The following DCAF13 variants were observed in gnomAD, a reference collection of about 807,000 sequenced individuals.
DCAF13 encodes the protein DDB1- and CUL4-associated factor 13.
DCAF13 carries 38 observed loss-of-function variants against 59.0 expected under a neutral mutation model. The ratio of observed to expected loss-of-function variants is 0.64; its 90% confidence interval spans 0.50 to 0.84. The LOEUF (loss-of-function observed/expected upper bound fraction) is 0.84. Ranked by LOEUF, DCAF13 falls within the 40% of genes least tolerant of loss-of-function variation. DCAF13 has a pLI of 0.00. For missense variants in DCAF13, 469 were observed against 558.4 expected (o/e 0.84, Z 1.61); for synonymous variants, 173 against 175.0 (o/e 0.99, Z 0.09).
chr8:103,440,282 T>G lies in DCAF13; in HGVS notation c.1086+11T>G. 6.4e-7 allele frequency: 1 copy of G among 1,554,614 alleles called. No individual in the cohort carries two copies. Among genetic ancestry groups the G allele is most frequent in the Non-Finnish European group, 8.6e-7 (1 of 1,156,216 alleles). On this transcript the variant is annotated intron_variant, in intron 9 of 10. Coordinates refer to ENST00000612750, the MANE Select transcript of DCAF13 (RefSeq NM_015420.7). ...GAAAAATTGGGTGTGGTAAGAGAAT[T>G]CATTTTCTTTCATTGTCATAAAGCT...
intron 1 of DCAF13, among the ~76,000 whole-genome samples, 195 bp from the exon 2 acceptor site, chr8:103,420,069 G>A (rs1041976834): frequency 2.0e-5 from 3 of 151,130 alleles, no homozygotes; most frequent in Admixed American, 2.0e-4. Flanking sequence ...TGTTTTGCAA[G>A]ATGTATGCAT....
At chr8:103,428,117 A>C (rs1247660311) in intron 5 of DCAF13, 2 of 152,216 alleles carry the variant, frequency 1.3e-5, no homozygotes, top group African/African-American at 4.8e-5. Flanking sequence ...AGTAAGGTTG[A>C]GTCAAAATAG....
rs1349543398 is a variant in DCAF13 at position 103,418,852 on chromosome 8, A to T, written c.71-1412A>T. On this transcript the variant is annotated intron_variant, in intron 1 of 10. Coordinates refer to ENST00000612750, the MANE Select transcript of DCAF13 (RefSeq NM_015420.7). Reference sequence around the variant, plus strand: ...TATATATATATATATATATATATATATATATATATATATATTTTTTTTTTT... The same window carrying T: ...TATATATATATATATATATATATATTTATATATATATATATTTTTTTTTTT... 9.3e-3 allele frequency among the ~76,000 whole-genome samples: 291 copies of T among 31,252 alleles called. 14 individuals carry two copies. Among genetic ancestry groups the T allele is most frequent in the African/African-American group, 0.04 (259 of 6,536 alleles). The allele number at this position is 31,252 out of a possible 152,430, so 20.5% of individuals were successfully genotyped here.
chr8:103,424,126 C>T (rs910695513), intron 3 of DCAF13, among the ~76,000 whole-genome samples: 1 of 152,068 alleles, frequency 6.6e-6, no homozygotes, highest in Admixed American at 6.5e-5. Flanking sequence ...TCACGCCATT[C>T]TCTTGCCTCA....
At chr8:103,426,962 A>G in intron 4 of DCAF13, 135 bp from the exon 5 acceptor site, 3 of 595,784 alleles carry the variant, frequency 5.0e-6, no homozygotes, top group Non-Finnish European at 8.2e-6. Context: ...CCCTTTAAGT[A>G]AGGACTTCAA....
intron 1 of DCAF13, among the ~76,000 whole-genome samples, chr8:103,416,231 G>T (rs999806824): frequency 6.6e-6 from 1 of 152,242 alleles, no homozygotes; most frequent in Non-Finnish European, 1.5e-5. Context: ...GAGATGAGAT[G>T]AGGCGAAAAC....
chr8:103,431,474 T>G (rs937842397), intron 6 of DCAF13, among the ~76,000 whole-genome samples: 1 of 152,190 alleles, frequency 6.6e-6, no homozygotes. Context: ...ACGTAACAAC[T>G]AGATATTAGG....
intron 3 of DCAF13, among the ~76,000 whole-genome samples, chr8:103,422,446 C>T (rs1160216689): frequency 1.3e-5 from 2 of 152,080 alleles, no homozygotes; most frequent in East Asian, 1.9e-4. Flanking sequence ...GGGGAATGCC[C>T]ACCTCTGGGA....
At chr8:103,428,718 A>AT (rs1563504385) in intron 5 of DCAF13, 1 of 151,892 alleles carries the variant, frequency 6.6e-6, no homozygotes, top group African/African-American at 2.4e-5. Context: ...TAAAAAAAAA[A>AT]CACAAAAAAA....
chr8:103,422,596 G>A lies in DCAF13; in HGVS notation c.378+1514G>A, dbSNP rs956263579. Among the ~76,000 whole-genome samples the A allele has an allele frequency of 3.3e-5, 5 of 152,304 alleles. No individual in the cohort carries two copies. In the East Asian group the frequency reaches 9.6e-4, roughly 29 times the overall value. On this transcript the variant is annotated intron_variant, in intron 3 of 10. Transcript: ENST00000612750. The stretch of plus-strand genomic sequence containing the variant: ...AGACTGAGGAAAACATTTTAGAAAT[G>A]TAGAGATGTAAAAAATAGAAAATTA...
intron 10 of DCAF13, chr8:103,442,488 A>T (rs1367169724): frequency 5.4e-6 from 1 of 186,820 alleles, no homozygotes; most frequent in Non-Finnish European, 1.1e-5. Context: ...TTCAATTAGA[A>T]TATACAAATG....
intron 3 of DCAF13, among the ~76,000 whole-genome samples, chr8:103,423,405 G>A (rs1816748878): frequency 6.6e-6 from 1 of 152,124 alleles, no homozygotes. Flanking sequence ...GTCACTTGCA[G>A]CATACATGAA....
chr8:103,432,790 T>A lies in DCAF13; in HGVS notation c.785+49T>A, dbSNP rs182300985. On this transcript the variant is annotated intron_variant, in intron 7 of 10. Transcript: ENST00000612750. ...TTGTGTATTTCTATCATGAATGGCT[T>A]AATTGTATAAGTCGTACTAATAAAA... is the stretch of plus-strand genomic sequence containing the variant. 8.3e-5 allele frequency: 94 copies of A among 1,129,358 alleles called. No homozygotes were observed. The East Asian group carries it at 2.2e-3, about 26-fold the overall frequency. 70.0% of individuals were successfully genotyped at this position (1,129,358 alleles called of 1,614,324 possible). A position where few individuals can be genotyped will look rare whatever the true frequency, so the allele number is the denominator to read the frequency against.
chr8:103,415,669 G>A (rs1422242245), intron 1 of DCAF13, among the ~76,000 whole-genome samples, 153 bp downstream of exon 1: 1 of 152,178 alleles, frequency 6.6e-6, no homozygotes, highest in Non-Finnish European at 1.5e-5. Flanking sequence ...TTACGGAGTC[G>A]CTGCGGAACT....
chr8:103,435,557 G>T, intron 7 of DCAF13, 69 bp from the exon 8 acceptor site: 1 of 1,266,278 alleles, frequency 7.9e-7, no homozygotes, highest in Non-Finnish European at 1.1e-6. Flanking sequence ...GTTTTCAGTG[G>T]TATCTTTTAG....
At chr8:103,432,565 T>G in intron 6 of DCAF13, 94 bp from the exon 7 acceptor site, 1 of 705,982 alleles carries the variant, frequency 1.4e-6, no homozygotes, top group East Asian at 2.5e-5. Context: ...CTGAGTACTT[T>G]ACACATAATA....
At position 103,420,380 on chromosome 8, in the gene DCAF13, G is replaced by T. The variant is rs543023582; in HGVS notation, c.187G>T (p.Asp63Tyr). 1 of 1,614,112 alleles carries T rather than the reference G, an allele frequency of 6.2e-7. No individual in the cohort carries two copies. The highest frequency in any genetic ancestry group is 1.3e-5 in the African/African-American group (1 of 75,026). The change falls in exon 2 of 11, where the codon GAT becomes TAT. Residue 63 changes from aspartate to tyrosine, a missense_variant. By Grantham distance (160) the Asp-to-Tyr change is radical. Coordinates refer to ENST00000612750, the MANE Select transcript of DCAF13 (RefSeq NM_015420.7). Reference protein sequence around the residue: ...VFAKPFLASLDGHRDGVNCLA... With the variant: ...VFAKPFLASLYGHRDGVNCLA... The stretch of plus-strand genomic sequence containing the variant: ...TGCAAAACCATTCCTTGCTTCGCTG[G>T]ATGGTCACCGTGATGGAGTCAATTG...
At chr8:103,433,459 A>G (rs916727749) in intron 7 of DCAF13, among the ~76,000 whole-genome samples, 1 of 152,028 alleles carries the variant, frequency 6.6e-6, no homozygotes, top group Admixed American at 6.6e-5. Context: ...CATTTATTAT[A>G]GCGCTATGCC....
In DCAF13 at chr8:103,441,608, C is replaced by T. The variant is rs1954; in HGVS notation, c.1240C>T (p.Arg414Cys). ...GGAACAGCGCATCATGAAAGAAGCT[C>T]GTCGACGAAAGTATGTTTTGAGGCA... ...IQEQRIMKEA[R>C]RRKEVNRIKH... Residue 414 changes from arginine (R) to cysteine (C), a missense_variant, in exon 10 of 11, where the codon CGT becomes TGT. By Grantham distance (180) the Arg-to-Cys change is radical. Around this residue, in one of 3 missense-constraint regions of DCAF13, gnomAD observed 84 missense variants for 92.3 expected, o/e 0.91. Transcript: ENST00000612750. 1.3e-4 allele frequency: 205 copies of T among 1,610,614 alleles called. No individual in the cohort carries two copies. In the African/African-American group the frequency reaches 1.3e-3, roughly 10 times the overall value.
Sources: gnomAD v4.1 joint callset for allele counts (sites outside exome capture counted in the v4.1 genomes callset) on GRCh38, gnomAD v4.1.1 for gene constraint, gnomAD v4.1.1 regional missense constraint, MANE v1.5 for transcripts, NCBI Gene and HGNC (gene_info 2026-07-23, HGNC 2026-07-21) for gene names.